Variants in SLC9A9 observed in about 807,000 individuals in gnomAD.
SLC9A9 encodes solute carrier family 9 member A9.
In SLC9A9, 62 loss-of-function variants were observed where a neutral mutation model predicts 77.8. That is an observed-to-expected ratio of 0.80 (90% CI 0.65 to 0.98). The LOEUF (loss-of-function observed/expected upper bound fraction) is 0.98. Ranked by LOEUF, SLC9A9 falls within the 50% of genes least tolerant of loss-of-function variation. SLC9A9 has a pLI of 0.00. For synonymous variants in SLC9A9, 320 were observed against 283.5 expected (o/e 1.13, Z -1.29); for missense variants, 775 against 774.9 (o/e 1.00, Z 0.00).
Position 143,517,476 on chromosome 3 carries a change from CT to C in SLC9A9, c.1090-22029del, listed in dbSNP as rs200226862. 2.1e-3 allele frequency: 3,358 copies of C among 1,597,974 alleles called. 72 individuals are homozygous for C. The African/African-American group carries it at 0.04, about 19-fold the overall frequency. ...TCCTCTTGAGCCTTCTTAACTCGTT[CT>C]GTTCTTTCTTTGATCTCTCGCTCTT... On this transcript the variant is annotated intron_variant, in intron 9 of 15. Transcript: ENST00000316549.
At chr3:143,552,540 G>A in intron 8 of SLC9A9, 90 bp from the exon 9 acceptor site, 1 of 1,064,884 alleles carries the variant, frequency 9.4e-7, no homozygotes, top group Non-Finnish European at 1.4e-6. Flanking sequence ...AAATAGACTT[G>A]GTGTCAGTAG....
chr3:143,839,138 T>C (rs2009643978), intron 1 of SLC9A9, among the ~76,000 whole-genome samples: 1 of 152,060 alleles, frequency 6.6e-6, no homozygotes, highest in Admixed American at 6.5e-5. Flanking sequence ...GGGGAGTTTG[T>C]TCTTTCTCTG....
chr3:143,564,034 A>G (rs1411719635), intron 8 of SLC9A9, among the ~76,000 whole-genome samples: 2 of 152,260 alleles, frequency 1.3e-5, no homozygotes, highest in South Asian at 2.1e-4. Context: ...ACTCAAATAC[A>G]CATCTGTCAA....
intron 6 of SLC9A9, among the ~76,000 whole-genome samples, chr3:143,623,004 A>T (rs945378374): frequency 2.6e-5 from 4 of 152,320 alleles, no homozygotes; most frequent in East Asian, 1.9e-4. Flanking sequence ...ACAAAGACCA[A>T]AAGAGACAAA....
At chr3:143,360,764 G>A (rs2032731808) in intron 14 of SLC9A9, among the ~76,000 whole-genome samples, 1 of 152,124 alleles carries the variant, frequency 6.6e-6, no homozygotes, top group South Asian at 2.1e-4. Flanking sequence ...CTGAATATTA[G>A]GCATTAATTG....
intron 9 of SLC9A9, among the ~76,000 whole-genome samples, chr3:143,542,879 A>G (rs2036711608): frequency 6.6e-6 from 1 of 152,250 alleles, no homozygotes; most frequent in African/African-American, 2.4e-5. Context: ...CAATATCCTA[A>G]GAGGTTAAAC....
intron 12 of SLC9A9, among the ~76,000 whole-genome samples, chr3:143,446,898 G>A (rs981159474): frequency 2.7e-5 from 4 of 149,742 alleles, no homozygotes; most frequent in African/African-American, 5.0e-5. Context: ...GTGTGTGTGT[G>A]CATGCACACA....
intron 4 of SLC9A9, among the ~76,000 whole-genome samples, chr3:143,714,186 T>G (rs1203979957): frequency 6.6e-6 from 1 of 152,288 alleles, no homozygotes; most frequent in Middle Eastern, 3.4e-3. Flanking sequence ...ATACAGAAAG[T>G]CTAGCAGCCT....
intron 5 of SLC9A9, among the ~76,000 whole-genome samples, chr3:143,692,664 T>C (rs1224839036): frequency 6.6e-6 from 1 of 152,196 alleles, no homozygotes; most frequent in Non-Finnish European, 1.5e-5. Flanking sequence ...GAAGATATAT[T>C]CACTGGAGAG....
intron 14 of SLC9A9, among the ~76,000 whole-genome samples, chr3:143,337,657 G>A (rs1374609654): frequency 6.6e-6 from 1 of 152,234 alleles, no homozygotes; most frequent in Non-Finnish European, 1.5e-5. Flanking sequence ...TTTAGTGCCA[G>A]TGAAGTGAAC....
chr3:143,275,369 T>C (rs1180932419), intron 14 of SLC9A9, among the ~76,000 whole-genome samples: 1 of 152,218 alleles, frequency 6.6e-6, no homozygotes, highest in Non-Finnish European at 1.5e-5. Context: ...TCTAGGTTGA[T>C]GTCTCAGGTA....
At chr3:143,829,725 C>T (rs566821716) in intron 2 of SLC9A9, among the ~76,000 whole-genome samples, 85 of 152,158 alleles carry the variant, frequency 5.6e-4, no homozygotes, top group Non-Finnish European at 8.4e-4. Context: ...GCAATGGTAG[C>T]GTTATTTTTG....
At chr3:143,569,992 G>C (rs1217000578) in intron 8 of SLC9A9, among the ~76,000 whole-genome samples, 3 of 150,100 alleles carry the variant, frequency 2.0e-5, no homozygotes, top group Non-Finnish European at 4.4e-5. Context: ...TTTTTTTAGA[G>C]ACAGGGTCTC....
intron 14 of SLC9A9, among the ~76,000 whole-genome samples, chr3:143,304,517 G>A (rs887192826): frequency 6.6e-6 from 1 of 152,192 alleles, no homozygotes; most frequent in Admixed American, 6.5e-5. Context: ...GCCTTGTTCA[G>A]ACATGGCTTC....
intron 7 of SLC9A9, 130 bp from the exon 8 acceptor site, chr3:143,574,323 T>C: frequency 1.3e-6 from 1 of 766,316 alleles, no homozygotes. Flanking sequence ...CAGACCTGAC[T>C]GGAAGGCCAT....
At chr3:143,392,007 A>G (rs1333240098) in intron 12 of SLC9A9, among the ~76,000 whole-genome samples, 1 of 149,370 alleles carries the variant, frequency 6.7e-6, no homozygotes, top group Non-Finnish European at 1.5e-5. Context: ...GGAGAATGGA[A>G]TCAAGTTGGA....
chr3:143,375,004 G>A (rs2033150558), intron 13 of SLC9A9, among the ~76,000 whole-genome samples: 1 of 151,954 alleles, frequency 6.6e-6, no homozygotes, highest in Non-Finnish European at 1.5e-5. Context: ...GTTCAATTGG[G>A]GGTTTTATCA....
intron 14 of SLC9A9, among the ~76,000 whole-genome samples, chr3:143,347,994 C>G (rs1011469081): frequency 2.6e-5 from 4 of 151,130 alleles, no homozygotes; most frequent in African/African-American, 7.3e-5. Context: ...CAGTCGAAAG[C>G]TGGATAAGAA....
intron 13 of SLC9A9, among the ~76,000 whole-genome samples, chr3:143,374,063 C>G (rs535363909): frequency 6.6e-6 from 1 of 151,800 alleles, no homozygotes; most frequent in Non-Finnish European, 1.5e-5. Context: ...TTTAAAGCAA[C>G]CAGGGAAAGA....
Sources: gnomAD v4.1 joint callset for allele counts (sites outside exome capture counted in the v4.1 genomes callset) on GRCh38, gnomAD v4.1.1 for gene constraint, MANE v1.5 for transcripts, NCBI Gene and HGNC (gene_info 2026-07-23, HGNC 2026-07-21) for gene names.